SLC22A14: variants seen among roughly 807,000 people sequenced by gnomAD.
SLC22A14 encodes the protein organic cation transporter-like 4.
A neutral mutation model predicts 53.9 loss-of-function variants in SLC22A14; 50 were observed. That is an observed-to-expected ratio of 0.93 (90% CI 0.74 to 1.17). The LOEUF (loss-of-function observed/expected upper bound fraction) is 1.17, where lower values mean the gene tolerates loss of function less well. Ranked by LOEUF, SLC22A14 falls within the 50% of genes most tolerant of loss-of-function variation. SLC22A14 has a pLI of 0.00. For synonymous variants in SLC22A14, 312 were observed against 303.0 expected (o/e 1.03, Z -0.31); for missense variants, 671 against 734.7 (o/e 0.91, Z 1.00).
At chr3:38,292,578 C>T (rs889548124) in intron 1 of SLC22A14, among the ~76,000 whole-genome samples, 1 of 152,090 alleles carries the variant, frequency 6.6e-6, no homozygotes, top group Non-Finnish European at 1.5e-5. Flanking sequence ...AGGTTCTTAA[C>T]AATTTTTTGG....
rs141359897 is a variant in SLC22A14 at position 38,311,599 on chromosome 3, T to G, written c.945-1400T>G. ...AGTCAAGAGAAGCCATACCACACCC[T>G]CAACACTTTGCTTAGGGACTTCTTC... On this transcript the variant is annotated intron_variant, in intron 5 of 10. Coordinates refer to ENST00000448498, the MANE Select transcript of SLC22A14 (RefSeq NM_001320033.2). 2.6e-5 allele frequency among the ~76,000 whole-genome samples: 4 copies of G among 151,644 alleles called. No individual in the cohort carries two copies. In the East Asian group the frequency reaches 7.8e-4, roughly 30 times the overall value.
intron 1 of SLC22A14, among the ~76,000 whole-genome samples, chr3:38,299,270 A>G (rs2125880273): frequency 6.6e-6 from 1 of 152,312 alleles, no homozygotes; most frequent in African/African-American, 2.4e-5. Context: ...CTATACTCAG[A>G]GAACAGTCTC....
chr3:38,286,739 T>G (rs577725548), intron 1 of SLC22A14, among the ~76,000 whole-genome samples: 10 of 149,086 alleles, frequency 6.7e-5, no homozygotes, highest in Admixed American at 3.3e-4. Context: ...TTTTTTTGTT[T>G]GTTTGTTTTT....
intron 1 of SLC22A14, among the ~76,000 whole-genome samples, chr3:38,304,764 C>G (rs1704258195): frequency 6.6e-6 from 1 of 152,152 alleles, no homozygotes; most frequent in Admixed American, 6.5e-5. Flanking sequence ...TGCAATGTGT[C>G]TAGCCATGGT....
rs531260893 is a variant in SLC22A14, at chr3:38,312,289, T to C, written c.945-710T>C. 1.5e-3 allele frequency among the ~76,000 whole-genome samples: 228 copies of C among 152,310 alleles called. 1 individual carries two copies. Among genetic ancestry groups the C allele is most frequent in the African/African-American group, 4.9e-3 (203 of 41,562 alleles). On this transcript the variant is annotated intron_variant, in intron 5 of 10. Transcript: ENST00000448498. ...CCTGGGAGTAAAATGGGGATAATCA[T>C]ACTAGGTCCAGGTTTGGATGAGGAT...
rs1704352745 is a variant in SLC22A14, at chr3:38,307,796, A to G, written c.775+76A>G. 6.5e-7 allele frequency: 1 copy of G among 1,529,610 alleles called. No homozygotes were observed. Among genetic ancestry groups the G allele is most frequent in the African/African-American group, 1.4e-5 (1 of 73,242 alleles). The allele number at this position is 1,529,610 out of a possible 1,614,324, so 94.8% of individuals were successfully genotyped here. A position where few individuals can be genotyped will look rare whatever the true frequency, so the allele number is the denominator to read the frequency against. On this transcript the variant is annotated intron_variant, in intron 4 of 10. Transcript: ENST00000448498. This position sits in a 1 kb window ranked among gnomAD's most constrained non-coding sequence, Gnocchi z 4.4. ...GCATAGGCGGGTGACAAGGGGACATAGTGGCAGGGGGCGTGGCGGCATAGG... is the reference window on the plus strand; with the variant it reads ...GCATAGGCGGGTGACAAGGGGACATGGTGGCAGGGGGCGTGGCGGCATAGG...
intron 1 of SLC22A14, among the ~76,000 whole-genome samples, chr3:38,289,489 C>A (rs1018829514): frequency 6.6e-6 from 1 of 152,144 alleles, no homozygotes; most frequent in Non-Finnish European, 1.5e-5. Context: ...GGCAGCAAGC[C>A]TCTTGTTCTC....
intron 1 of SLC22A14, among the ~76,000 whole-genome samples, chr3:38,295,742 C>CTCTCTCTCCTCTCTG (rs1011695972): frequency 7.5e-5 from 10 of 133,122 alleles, no homozygotes. Flanking sequence ...CTCTCTGTCT[C>CTCTCTCTCCTCTCTG]TCTCTCTCCT....
intron 1 of SLC22A14, among the ~76,000 whole-genome samples, chr3:38,288,732 T>C (rs1049127676): frequency 6.6e-5 from 10 of 152,200 alleles, no homozygotes; most frequent in Admixed American, 6.5e-4. Flanking sequence ...TAGTTTGAAA[T>C]GATTAAAAAA....
chr3:38,309,841 G>A (rs2125888763), intron 5 of SLC22A14, among the ~76,000 whole-genome samples: 1 of 152,284 alleles, frequency 6.6e-6, no homozygotes, highest in Non-Finnish European at 1.5e-5. Context: ...TCTGCATGAA[G>A]CAATGATCAT....
chr3:38,297,986 T>C (rs564648359), intron 1 of SLC22A14, among the ~76,000 whole-genome samples: 1 of 152,308 alleles, frequency 6.6e-6, no homozygotes, highest in South Asian at 2.1e-4. Context: ...TTTTCATCAT[T>C]TTTTCTACAC....
intron 1 of SLC22A14, among the ~76,000 whole-genome samples, chr3:38,285,879 A>G (rs111264760): frequency 0.017 from 2,596 of 152,340 alleles, 78 homozygotes; most frequent in African/African-American, 0.059. Context: ...AAGTGGGTCT[A>G]TGAATAATTC....
At position 38,309,000 on chromosome 3, in the gene SLC22A14, G is replaced by A. The variant is rs115409599; in HGVS notation, c.822G>A (p.Leu274=). The stretch of plus-strand genomic sequence containing the variant: ...AGCACCGGGCCCATGCCATTATCCT[G>A]GGACACTGCTTTTTCGCTGTTGGGG... The part of the protein sequence containing the change: ...VGEHRAHAII[L]GHCFFAVGAV... Residue 274 remains leucine, a synonymous_variant, in exon 5 of 11, where the codon CTG becomes CTA. Coordinates refer to ENST00000448498, the MANE Select transcript of SLC22A14 (RefSeq NM_001320033.2). 2.4e-4 allele frequency: 383 copies of A among 1,614,146 alleles called. 1 individual carries two copies. Among genetic ancestry groups the A allele is most frequent in the Middle Eastern group, 2.3e-3 (14 of 6,060 alleles).
chr3:38,313,685 T>TGTGTGTGTGTGCGCGCGC, intron 7 of SLC22A14, 42 bp from the exon 8 acceptor site: 27,433 of 897,152 alleles, frequency 0.031, 591 homozygotes, highest in African/African-American at 0.096. Context: ...TCCGTGTGTG[T>TGTGTGTGTGTGCGCGCGC]GCGCGCGTGT....
chr3:38,284,228 T>C (rs1193445338), intron 1 of SLC22A14, among the ~76,000 whole-genome samples: 1 of 152,182 alleles, frequency 6.6e-6, no homozygotes, highest in East Asian at 1.9e-4. Context: ...TCCATCCCTG[T>C]CCGCCCTGTC....
intron 1 of SLC22A14, among the ~76,000 whole-genome samples, chr3:38,300,469 C>T (rs1704135845): frequency 6.6e-6 from 1 of 152,040 alleles, no homozygotes; most frequent in Non-Finnish European, 1.5e-5. Flanking sequence ...CACACTGCTA[C>T]AATTTATTGC....
chr3:38,306,277 T>C lies in SLC22A14; in HGVS notation c.251T>C (p.Met84Thr). 6.2e-7 allele frequency: 1 copy of C among 1,614,212 alleles called. No homozygotes were observed. ...FIPSIMSAFF[M>T]FADHFVFTAQ... ...CCCAGCATCATGTCGGCCTTCTTCA[T>C]GTTTGCTGACCACTTCGTGTTCACA... Residue 84 changes from methionine to threonine, a missense_variant, in exon 2 of 11, where the codon ATG becomes ACG. By Grantham distance (81) the Met-to-Thr change is moderately conservative. Transcript: ENST00000448498.
chr3:38,305,728 G>T (rs1266626134), intron 1 of SLC22A14: 1 of 363,962 alleles, frequency 2.7e-6, no homozygotes, highest in South Asian at 5.2e-5. Context: ...CAAAAAGCTT[G>T]AGTTGTGGGG....
intron 1 of SLC22A14, among the ~76,000 whole-genome samples, chr3:38,293,855 G>T (rs1040113057): frequency 6.6e-6 from 1 of 152,084 alleles, no homozygotes; most frequent in Non-Finnish European, 1.5e-5. Context: ...ACCAGAGATC[G>T]CCAAACTCGC....
Sources: allele counts gnomAD v4.1 joint callset (sites outside exome capture counted in the v4.1 genomes callset), GRCh38; gene constraint gnomAD v4.1.1; non-coding constraint Gnocchi (gnomAD v3.1); transcripts MANE v1.5; gene names NCBI Gene and HGNC (gene_info 2026-07-23, HGNC 2026-07-21).